Variants in NRG1 observed in about 807,000 individuals in gnomAD.
NRG1 encodes the protein neuregulin 1, also known as pro-neuregulin-1, membrane-bound isoform.
In NRG1, 18 loss-of-function variants were observed where a neutral mutation model predicts 63.8. The observed-to-expected ratio is 0.28, with a 90% CI of 0.19 to 0.42. NRG1 has a LOEUF of 0.42. NRG1 is among the 10% of genes least tolerant of loss of function. The pLI is 1.00. For missense variants in NRG1, 762 were observed against 814.7 expected (o/e 0.94, Z 0.79); for synonymous variants, 302 against 301.3 (o/e 1.00, Z -0.02).
At chr8:32,719,876 A>T (rs1820187459) in intron 5 of NRG1, among the ~76,000 whole-genome samples, 1 of 151,968 alleles carries the variant, frequency 6.6e-6, no homozygotes, top group Non-Finnish European at 1.5e-5. Context: ...ATGTATGTGG[A>T]TGTTTGATTA....
chr8:32,507,825 G>A (rs1828713795), intron 1 of NRG1, among the ~76,000 whole-genome samples: 1 of 152,052 alleles, frequency 6.6e-6, no homozygotes, highest in South Asian at 2.1e-4. Flanking sequence ...AGCCTCCCAA[G>A]TAGCTGGGAT....
chr8:31,646,514 C>T (rs574028048), intron 1 of NRG1, among the ~76,000 whole-genome samples: 1 of 152,264 alleles, frequency 6.6e-6, no homozygotes, highest in South Asian at 2.1e-4. Flanking sequence ...AAAATGCATA[C>T]CAGTAATACT....
chr8:32,098,926 T>C (rs1184592376), intron 1 of NRG1: 1 of 152,184 alleles, frequency 6.6e-6, no homozygotes, highest in Non-Finnish European at 1.5e-5. Context: ...TTTTCACATT[T>C]GTAAAGGCAG....
intron 1 of NRG1, among the ~76,000 whole-genome samples, chr8:32,521,588 TATTC>T (rs1468875070): frequency 2.6e-5 from 4 of 152,200 alleles, no homozygotes; most frequent in African/African-American, 9.7e-5. Flanking sequence ...GGTATATTAA[TATTC>T]ATTATCACTG....
intron 1 of NRG1, among the ~76,000 whole-genome samples, chr8:32,090,313 A>G (rs372985050): frequency 1.4e-4 from 21 of 152,308 alleles, no homozygotes; most frequent in African/African-American, 5.1e-4. Context: ...CTGAAAATAC[A>G]TTGAATCATT....
intron 11 of NRG1, chr8:32,763,218 A>T: frequency 1.2e-6 from 2 of 1,613,448 alleles, no homozygotes; most frequent in African/African-American, 1.3e-5. Context: ...TTTTCATAAG[A>T]CATAACCTTA....
intron 1 of NRG1, among the ~76,000 whole-genome samples, chr8:32,529,231 G>T (rs947363930): frequency 3.3e-5 from 5 of 152,116 alleles, no homozygotes; most frequent in African/African-American, 1.2e-4. Flanking sequence ...CATAGAAAAG[G>T]TACAGAAAAA....
At chr8:32,304,199 T>TA in intron 1 of NRG1, among the ~76,000 whole-genome samples, 1 of 152,260 alleles carries the variant, frequency 6.6e-6, no homozygotes, top group East Asian at 1.9e-4. Context: ...AATATTGTTT[T>TA]AAAATCATCT....
At chr8:31,776,030 C>A (rs1819099422) in intron 1 of NRG1, among the ~76,000 whole-genome samples, 1 of 151,894 alleles carries the variant, frequency 6.6e-6, no homozygotes, top group African/African-American at 2.4e-5. Context: ...TTGTTAGGAG[C>A]ACTAAATGAA....
At chr8:32,431,863 G>A (rs1283708592) in intron 1 of NRG1, among the ~76,000 whole-genome samples, 1 of 152,036 alleles carries the variant, frequency 6.6e-6, no homozygotes. Context: ...AAACCTAAAT[G>A]TGTGAACACT....
At chr8:32,759,457 C>T in intron 10 of NRG1, 21 bp downstream of exon 10, 2 of 1,607,082 alleles carry the variant, frequency 1.2e-6, no homozygotes, top group African/African-American at 1.3e-5. Context: ...TTAAAAATTC[C>T]ACGGCTTTTC....
At chr8:32,710,496 A>G (rs979735489) in intron 5 of NRG1, among the ~76,000 whole-genome samples, 4 of 152,196 alleles carry the variant, frequency 2.6e-5, no homozygotes, top group African/African-American at 9.6e-5. Context: ...TGGTGTTTAT[A>G]ACTCAGCATA....
intron 1 of NRG1, among the ~76,000 whole-genome samples, chr8:32,310,627 CAGG>C (rs1301925163): frequency 2.0e-5 from 3 of 152,120 alleles, no homozygotes; most frequent in South Asian, 2.1e-4. Context: ...AGTGAGAATG[CAGG>C]AGAAGTCTAA....
chr8:31,729,219 T>C (rs1260529029), intron 1 of NRG1, among the ~76,000 whole-genome samples: 1 of 138,576 alleles, frequency 7.2e-6, no homozygotes, highest in Admixed American at 7.7e-5. Flanking sequence ...GGAGGTGGGA[T>C]TTAAACAAAT....
chr8:32,463,041 C>G (rs1401183945), intron 1 of NRG1, among the ~76,000 whole-genome samples: 1 of 150,688 alleles, frequency 6.6e-6, no homozygotes, highest in African/African-American at 2.4e-5. Flanking sequence ...TAAGATTCTA[C>G]ATGTAAGTAA....
chr8:32,319,223 G>A (rs1801100652), intron 1 of NRG1, among the ~76,000 whole-genome samples: 1 of 152,156 alleles, frequency 6.6e-6, no homozygotes, highest in Non-Finnish European at 1.5e-5. Flanking sequence ...GGTCTGGGAG[G>A]TTATTTGCAG....
At chr8:32,081,598 G>A (rs1827475651) in intron 1 of NRG1, among the ~76,000 whole-genome samples, 1 of 152,100 alleles carries the variant, frequency 6.6e-6, no homozygotes, top group African/African-American at 2.4e-5. Context: ...GGTCATTGTA[G>A]AGTGGAAAAA....
chr8:31,889,095 A>G (rs991449903), intron 1 of NRG1, among the ~76,000 whole-genome samples: 8 of 152,154 alleles, frequency 5.3e-5, no homozygotes, highest in African/African-American at 1.9e-4. Context: ...CCTTCACTTT[A>G]TAATAATAGA....
intron 1 of NRG1, among the ~76,000 whole-genome samples, chr8:32,430,013 A>G (rs1370248103): frequency 2.0e-5 from 3 of 152,182 alleles, no homozygotes; most frequent in African/African-American, 7.2e-5. Context: ...AACTGAATGC[A>G]CTATAGGTTC....
Sources: gnomAD v4.1 joint callset for allele counts (sites outside exome capture counted in the v4.1 genomes callset) on GRCh38, gnomAD v4.1.1 for gene constraint, MANE v1.5 for transcripts, NCBI Gene and HGNC (gene_info 2026-07-23, HGNC 2026-07-21) for gene names.